Variants in FREM3 observed in about 807,000 individuals in gnomAD.
The protein encoded by FREM3 is FRAS1-related extracellular matrix protein 3.
Under a neutral mutation model 129.1 loss-of-function variants are expected in FREM3, and 105 were observed. The ratio of observed to expected loss-of-function variants is 0.81; its 90% CI spans 0.69 to 0.96. The LOEUF (loss-of-function observed/expected upper bound fraction) is 0.96. FREM3 is among the 40% of genes least tolerant of loss of function. The pLI is 0.00. For missense variants in FREM3, 2,593 were observed against 2,666.3 expected (o/e 0.97, Z 0.61); for synonymous variants, 1,014 against 1,044.9 (o/e 0.97, Z 0.57).
At chr4:143,653,226 T>A (rs1739543235) in intron 2 of FREM3, among the ~76,000 whole-genome samples, 2 of 152,196 alleles carry the variant, frequency 1.3e-5, no homozygotes, top group Admixed American at 1.3e-4. Flanking sequence ...GAGCCCCTGC[T>A]GGGGGTCTCA....
In FREM3 at chr4:143,675,007, C is replaced by T. The variant is rs759354198; in HGVS notation, c.5275+18106G>A. Among the ~76,000 whole-genome samples the T allele has an allele frequency of 4.4e-4, 67 of 152,258 alleles. No homozygotes were observed. In the Middle Eastern group the frequency reaches 0.02, roughly 46 times the overall value. The stretch of plus-strand genomic sequence containing the variant: ...GAGAAAGAAAGTTAACAAGGATATC[C>T]AGGAATTGAACTCAGCTCTGCACCA... On this transcript the variant is annotated intron_variant, in intron 2 of 7. Transcript: ENST00000329798.
At chr4:143,612,180 C>T (rs1038670892) in intron 5 of FREM3, among the ~76,000 whole-genome samples, 2 of 152,196 alleles carry the variant, frequency 1.3e-5, no homozygotes, top group Non-Finnish European at 2.9e-5. Flanking sequence ...GTGACCACCA[C>T]CACAATCATA....
At chr4:143,614,562 A>G (rs929222198) in intron 5 of FREM3, among the ~76,000 whole-genome samples, 2 of 152,226 alleles carry the variant, frequency 1.3e-5, no homozygotes, top group Admixed American at 6.5e-5. Context: ...CCAGTGGTAG[A>G]GCATAGCATC....
chr4:143,685,786 C>T (rs1199445189), intron 2 of FREM3, among the ~76,000 whole-genome samples: 1 of 151,974 alleles, frequency 6.6e-6, no homozygotes, highest in Non-Finnish European at 1.5e-5. Context: ...AGCATGTTCT[C>T]ACTCATAAGT....
At chr4:143,586,074 GCATTTGT>G in intron 6 of FREM3, 81 bp from the exon 7 acceptor site, 1 of 1,364,934 alleles carries the variant, frequency 7.3e-7, no homozygotes, top group South Asian at 1.3e-5. Context: ...GTGAGCCTGG[GCATTTGT>G]CATAATTGTC....
intron 2 of FREM3, among the ~76,000 whole-genome samples, chr4:143,677,300 C>A (rs1740154135): frequency 6.6e-6 from 1 of 152,146 alleles, no homozygotes; most frequent in Non-Finnish European, 1.5e-5. Context: ...GGAAAGGATA[C>A]CCTATTTAAC....
intron 6 of FREM3, among the ~76,000 whole-genome samples, chr4:143,591,705 A>T (rs1482257218): frequency 6.6e-6 from 1 of 152,170 alleles, no homozygotes; most frequent in Admixed American, 6.5e-5. Flanking sequence ...GCTGAAAAGA[A>T]TGTATATTCT....
At chr4:143,597,314 G>A (rs1419715242) in intron 6 of FREM3, among the ~76,000 whole-genome samples, 3 of 152,084 alleles carry the variant, frequency 2.0e-5, no homozygotes, top group Admixed American at 6.5e-5. Context: ...GGACGTCAAC[G>A]GCAAAAACCC....
chr4:143,676,714 G>A (rs980230906), intron 2 of FREM3, among the ~76,000 whole-genome samples: 1 of 152,144 alleles, frequency 6.6e-6, no homozygotes, highest in African/African-American at 2.4e-5. Flanking sequence ...CAAAATCAGT[G>A]TGCAAAAATC....
At chr4:143,633,090 G>A (rs1044385859) in intron 2 of FREM3, among the ~76,000 whole-genome samples, 23 of 152,236 alleles carry the variant, frequency 1.5e-4, no homozygotes, top group Middle Eastern at 3.4e-3. Context: ...ATTTTGGTGA[G>A]GGTTGCAGTG....
intron 2 of FREM3, among the ~76,000 whole-genome samples, chr4:143,658,514 G>C (rs892204247): frequency 3.3e-5 from 5 of 152,132 alleles, no homozygotes; most frequent in African/African-American, 1.2e-4. Context: ...AGCCTGAATG[G>C]ACTGAGAGAG....
chr4:143,646,681 A>G (rs2149847568), intron 2 of FREM3, among the ~76,000 whole-genome samples: 1 of 152,338 alleles, frequency 6.6e-6, no homozygotes, highest in South Asian at 2.1e-4. Context: ...GCCCTGCAGA[A>G]CTGTGAATCA....
intron 2 of FREM3, among the ~76,000 whole-genome samples, chr4:143,636,004 C>G (rs1176436235): frequency 2.6e-5 from 4 of 152,026 alleles, no homozygotes; most frequent in Non-Finnish European, 5.9e-5. Context: ...CTCATCTGCT[C>G]CCTCATCTAT....
intron 2 of FREM3, among the ~76,000 whole-genome samples, chr4:143,679,739 C>T (rs541050853): frequency 6.6e-6 from 1 of 152,204 alleles, no homozygotes; most frequent in East Asian, 1.9e-4. Flanking sequence ...CTCTCATTGC[C>T]TCTGGAACTA....
intron 2 of FREM3, among the ~76,000 whole-genome samples, chr4:143,638,824 C>T (rs561557703): frequency 6.6e-6 from 1 of 152,228 alleles, no homozygotes; most frequent in South Asian, 2.1e-4. Flanking sequence ...CTAAACAGGG[C>T]TCTGAGGCAG....
chr4:143,685,096 A>G (rs1740335512), intron 2 of FREM3, among the ~76,000 whole-genome samples: 1 of 152,328 alleles, frequency 6.6e-6, no homozygotes, highest in East Asian at 1.9e-4. Flanking sequence ...ATAATCAAGG[A>G]AAACTTCCCC....
At chr4:143,617,551 T>C (rs1254620322) in intron 5 of FREM3, among the ~76,000 whole-genome samples, 1 of 152,208 alleles carries the variant, frequency 6.6e-6, no homozygotes. Context: ...AAGATCTTCA[T>C]GTTTGTTGCG....
chr4:143,671,676 G>A (rs539395024), intron 2 of FREM3, among the ~76,000 whole-genome samples: 1 of 152,194 alleles, frequency 6.6e-6, no homozygotes, highest in African/African-American at 2.4e-5. Flanking sequence ...ATAAAATAGA[G>A]AACTGAAATA....
chr4:143,664,406 TG>T (rs1739809614), intron 2 of FREM3, among the ~76,000 whole-genome samples: 1 of 152,130 alleles, frequency 6.6e-6, no homozygotes, highest in African/African-American at 2.4e-5. Flanking sequence ...AGCACATTTT[TG>T]TGAACCACGA....
Sources: gnomAD v4.1 joint callset for allele counts (sites outside exome capture counted in the v4.1 genomes callset) on GRCh38, gnomAD v4.1.1 for gene constraint, MANE v1.5 for transcripts, NCBI Gene and HGNC (gene_info 2026-07-23, HGNC 2026-07-21) for gene names.